The following TRAPPC2L variants were observed in gnomAD, a reference collection of about 807,000 sequenced individuals.
The protein encoded by TRAPPC2L is trafficking protein particle complex subunit 2L, also known as trafficking protein particle complex subunit 2-like protein.
In TRAPPC2L, 17 loss-of-function variants were observed where a neutral mutation model predicts 13.2. The ratio of observed to expected loss-of-function variants is 1.29; its 90% CI spans 0.88 to 1.93. The LOEUF (loss-of-function observed/expected upper bound fraction) is 1.93, where lower values mean the gene tolerates loss of function less well. TRAPPC2L is among the 30% of genes most tolerant of loss of function. The probability of loss-of-function intolerance (pLI) is 0.00; values close to 1 mark genes in which losing one functional copy is unlikely to be tolerated. For synonymous variants in TRAPPC2L, 150 were observed against 98.1 expected, an observed-to-expected ratio of 1.53 and a Z score of -3.12; for missense variants, 359 against 252.1, an observed-to-expected ratio of 1.42 and a Z score of -2.87.
chr16:88,861,326 T>G (rs1968372876), exon 4 of TRAPPC2L: 1 of 366,862 alleles, frequency 2.7e-6, no homozygotes, highest in African/African-American at 2.1e-5. Context: ...GCTGAACAGG[T>G]GGGCTGGTCT....
chr16:88,861,000 G>T lies in TRAPPC2L; in HGVS notation c.*676G>T, dbSNP rs182443459. ...AGCCATCGCAGAGGAGCCCGCGCAC[G>T]ACTGTGGTGGGGCCGTCGGTCTGTT... On this transcript the variant is annotated 3_prime_UTR_variant, in exon 4 of 4. Coordinates refer to ENST00000565504, the Ensembl canonical transcript of TRAPPC2L. 21 of 1,554,894 alleles carry T rather than the reference G, an allele frequency of 1.4e-5. No individual in the cohort carries two copies. The African/African-American group carries it at 1.5e-4, about 11-fold the overall frequency.
chr16:88,856,305 G>A, upstream of TRAPPC2L: 3 of 702,826 alleles, frequency 4.3e-6, no homozygotes, highest in Non-Finnish European at 7.8e-6. Context: ...GTGATTCCTA[G>A]GGCGACGCAG....
exon 2 of TRAPPC2L, chr16:88,858,772 C>G (rs773408637): frequency 1.9e-6 from 3 of 1,613,318 alleles, no homozygotes; most frequent in Non-Finnish European, 2.5e-6. Flanking sequence ...CCTGCTCTAC[C>G]CCACGGAGGA....
At chr16:88,856,304 A>G, upstream of TRAPPC2L, 1 of 702,738 alleles carries the variant, frequency 1.4e-6, no homozygotes, top group Non-Finnish European at 2.6e-6. Context: ...AGTGATTCCT[A>G]GGGCGACGCA....
At chr16:88,858,871 T>C in intron 2 of TRAPPC2L, 80 bp downstream of exon 2, 1 of 1,462,178 alleles carries the variant, frequency 6.8e-7, no homozygotes, top group Non-Finnish European at 9.2e-7. Context: ...CTTGAAACCT[T>C]TTAGAAGAAA....
chr16:88,857,530 ACGGCGGCCC>A (rs918453476), intron 1 of TRAPPC2L: 1 of 311,792 alleles, frequency 3.2e-6, no homozygotes, highest in African/African-American at 2.2e-5. Flanking sequence ...TTCCCCGCGG[ACGGCGGCCC>A]CGGCCCTCCT....
chr16:88,856,984 G>A (rs1967959218), upstream of TRAPPC2L: 3 of 1,390,792 alleles, frequency 2.2e-6, no homozygotes, highest in Non-Finnish European at 2.8e-6. Flanking sequence ...CACGTGACTC[G>A]CGGGGCGGGG....
At chr16:88,856,919 C>T, upstream of TRAPPC2L, 4 of 1,486,176 alleles carry the variant, frequency 2.7e-6, no homozygotes, top group South Asian at 1.3e-5. Context: ...GCGAGCCGAC[C>T]TAGCGAGCGT....
In TRAPPC2L at chr16:88,859,977, G is replaced by A; in HGVS notation, c.379G>A (p.Ala127Thr). Residue 127 changes from alanine (A) to threonine (T), a missense_variant, in exon 4 of 4, where the codon GCC (alanine) becomes ACC (threonine). Transcript: ENST00000565504. ...GGGGGACCGCATCCAGTCCAGGTGG[G>A]CCCTACTTTCTGTGTCTTGCCACCT... The A allele has an allele frequency of 6.2e-7, 1 of 1,613,952 alleles. No homozygotes were observed. The highest frequency in any genetic ancestry group is 8.5e-7 in the Non-Finnish European group (1 of 1,179,894).
chr16:88,858,686 C>T lies in TRAPPC2L; in HGVS notation c.101C>T (p.Thr34Ile), dbSNP rs750672082. ...CTGAAGTTCCACTACATGGTGCACACATCTCTGGACGTGGTGGATGAGAAG... is the reference window on the plus strand; with the variant it reads ...CTGAAGTTCCACTACATGGTGCACATATCTCTGGACGTGGTGGATGAGAAG... Residue 34 changes from threonine (T) to isoleucine (I), a missense_variant, in exon 2 of 4, where the codon ACA becomes ATA. By Grantham distance (89) the Thr-to-Ile change is moderately conservative. Transcript: ENST00000565504. 2.5e-6 allele frequency: 4 copies of T among 1,613,522 alleles called. No homozygotes were observed. The African/African-American group carries it at 4.0e-5, about 16-fold the overall frequency.
chr16:88,861,347 G>T lies in TRAPPC2L; in HGVS notation c.*1023G>T, dbSNP rs540179695. On this transcript the variant is annotated 3_prime_UTR_variant, in exon 4 of 4. Coordinates refer to ENST00000565504, the Ensembl canonical transcript of TRAPPC2L. ...CAGGTGGGCTGGTCTGGAGGGGGTGGCCTCCTGAGCCCAGAACCAGCCTAG... is the reference window on the plus strand; with the variant it reads ...CAGGTGGGCTGGTCTGGAGGGGGTGTCCTCCTGAGCCCAGAACCAGCCTAG... The T allele has an allele frequency of 8.1e-4, 287 of 355,196 alleles. 3 individuals carry two copies. The highest frequency in any genetic ancestry group is 5.7e-3 in the African/African-American group (266 of 46,978). The allele number at this position is 355,196 out of a possible 1,614,324, so 22.0% of individuals were successfully genotyped here. A position where few individuals can be genotyped will look rare whatever the true frequency, so the allele number is the denominator to read the frequency against.
exon 4 of TRAPPC2L, chr16:88,860,300 C>G (rs770591977): frequency 2.9e-6 from 2 of 696,982 alleles, no homozygotes; most frequent in African/African-American, 3.5e-5. Context: ...TTTCAGGGAT[C>G]ACACGTCCTT....
exon 4 of TRAPPC2L, chr16:88,861,080 C>A: frequency 2.2e-6 from 2 of 925,698 alleles, no homozygotes; most frequent in Non-Finnish European, 3.4e-6. Context: ...GGCAGCTGTG[C>A]ATGTTCTCTC....
chr16:88,862,291 C>T (rs1296953372), exon 4 of TRAPPC2L: 1 of 152,434 alleles, frequency 6.6e-6, no homozygotes, highest in Non-Finnish European at 1.5e-5. Flanking sequence ...CTGCCCAGTT[C>T]CAATAGCGGG....
At chr16:88,856,889 G>T (rs1967948139), upstream of TRAPPC2L, 1 of 1,504,282 alleles carries the variant, frequency 6.6e-7, no homozygotes, top group Non-Finnish European at 8.8e-7. Context: ...GCAACCACGG[G>T]AGCCGCGGAG....
upstream of TRAPPC2L, chr16:88,856,680 C>T (rs1211708944): frequency 9.4e-6 from 5 of 534,380 alleles, no homozygotes; most frequent in East Asian, 1.7e-4. Flanking sequence ...GCCCTTCCCC[C>T]ACCTCGCTCC....
chr16:88,859,997 C>T (rs530620808), exon 4 of TRAPPC2L: 1 of 1,518,550 alleles, frequency 6.6e-7, no homozygotes, highest in African/African-American at 2.6e-5. Context: ...CTGTGTCTTG[C>T]CACCTTCTTT....
chr16:88,858,483 G>C, intron 1 of TRAPPC2L, 136 bp from the exon 2 acceptor site: 3 of 869,344 alleles, frequency 3.5e-6, no homozygotes, highest in Non-Finnish European at 5.3e-6. Context: ...GCGGCATAGA[G>C]AATGAAGCGG....
At chr16:88,857,980 G>A (rs1968080360) in intron 1 of TRAPPC2L, among the ~76,000 whole-genome samples, 1 of 152,148 alleles carries the variant, frequency 6.6e-6, no homozygotes, top group East Asian at 1.9e-4. Flanking sequence ...TTCCCTCTTG[G>A]CCAAGATGAT....
Sources: gnomAD v4.1 joint callset for allele counts (sites outside exome capture counted in the v4.1 genomes callset) on GRCh38, gnomAD v4.1.1 for gene constraint, MANE v1.5 for transcripts, NCBI Gene and HGNC (gene_info 2026-07-23, HGNC 2026-07-21) for gene names.